Variants in ADCK2 observed in about 807,000 individuals in gnomAD.
ADCK2 encodes aarF domain containing kinase 2.
A neutral mutation model predicts 52.3 loss-of-function variants in ADCK2; 37 were observed. The ratio of observed to expected loss-of-function variants is 0.71; its 90% CI spans 0.54 to 0.93. The LOEUF is 0.93. ADCK2 is among the 40% of genes least tolerant of loss of function. The pLI is 0.00. For missense variants in ADCK2, 695 were observed against 798.7 expected (o/e 0.87, Z 1.56); for synonymous variants, 321 against 349.2 (o/e 0.92, Z 0.90).
chr7:140,688,004 A>C (rs1585852567), intron 5 of ADCK2, among the ~76,000 whole-genome samples: 1 of 150,162 alleles, frequency 6.7e-6, no homozygotes, highest in Non-Finnish European at 1.5e-5. Flanking sequence ...CAGGCTGGGC[A>C]GGGGGTGAAT....
intron 4 of ADCK2, among the ~76,000 whole-genome samples, chr7:140,683,915 A>G (rs1010672502): frequency 6.6e-6 from 1 of 152,190 alleles, no homozygotes; most frequent in Non-Finnish European, 1.5e-5. Flanking sequence ...TGGTGCTTCC[A>G]TGGGAAACCT....
Position 140,687,112 on chromosome 7 carries a change from G to C in ADCK2, c.1428G>C (p.Leu476=), listed in dbSNP as rs113604756. Residue 476 remains leucine, a synonymous_variant, in exon 5 of 8, where the codon CTG becomes CTC. Coordinates refer to ENST00000072869, the MANE Select transcript of ADCK2 (RefSeq NM_052853.4). ...AGCAGGCGGACATCTGTGACACTCT[G>C]GTGGTGGCCGTGCCATCTTCCCTCT... is the stretch of plus-strand genomic sequence containing the variant. ...QLQQADICDT[L]VVAVPSSLCP... 1.4e-4 allele frequency: 226 copies of C among 1,613,908 alleles called. 2 individuals are homozygous for C. The South Asian group carries it at 1.6e-3, about 11-fold the overall frequency.
In ADCK2 at chr7:140,674,604, C is replaced by T. The variant is rs765460076; in HGVS notation, c.934-7C>T. The stretch of plus-strand genomic sequence containing the variant: ...TTCTCCTGTCTCACGGTTCCTCTTT[C>T]TGACAGGTGTTGCACCCTGGCCTGC... On this transcript the variant is annotated splice_polypyrimidine_tract_variant and splice_region_variant and intron_variant, in intron 1 of 7. Coordinates refer to ENST00000072869, the MANE Select transcript of ADCK2 (RefSeq NM_052853.4). The surrounding 1 kb of genome is among the most constrained non-coding windows in gnomAD (Gnocchi z 4.6). The T allele has an allele frequency of 6.9e-6, 11 of 1,604,890 alleles. No homozygotes were observed. The East Asian group carries it at 2.0e-4, about 29-fold the overall frequency.
intron 3 of ADCK2, among the ~76,000 whole-genome samples, chr7:140,679,800 G>T (rs1794486101): frequency 6.7e-6 from 1 of 149,656 alleles, no homozygotes; most frequent in African/African-American, 2.5e-5. Context: ...AGCCTCCCAA[G>T]TAGCTGCGAT....
intron 7 of ADCK2, among the ~76,000 whole-genome samples, chr7:140,692,435 G>A (rs1278952628): frequency 6.6e-6 from 1 of 152,226 alleles, no homozygotes; most frequent in African/African-American, 2.4e-5. Context: ...TTGGCTCATT[G>A]CAACCTCTGC....
chr7:140,683,825 C>T (rs1794559963), intron 4 of ADCK2, among the ~76,000 whole-genome samples: 1 of 152,120 alleles, frequency 6.6e-6, no homozygotes, highest in Non-Finnish European at 1.5e-5. Flanking sequence ...CAGGGACAGC[C>T]GTCCCCACCC....
intron 7 of ADCK2, among the ~76,000 whole-genome samples, chr7:140,694,425 G>A (rs1794760928): frequency 6.6e-6 from 1 of 152,180 alleles, no homozygotes; most frequent in Non-Finnish European, 1.5e-5. Flanking sequence ...CACAAACCTA[G>A]AAAAGTATAT....
intron 6 of ADCK2, 149 bp downstream of exon 6, chr7:140,689,874 C>A: frequency 1.8e-6 from 2 of 1,112,096 alleles, no homozygotes; most frequent in Non-Finnish European, 2.4e-6. Flanking sequence ...GCATGAGGAG[C>A]CCCAGTGAAG....
chr7:140,692,172 A>G (rs151327178), intron 7 of ADCK2, among the ~76,000 whole-genome samples: 9 of 152,358 alleles, frequency 5.9e-5, no homozygotes, highest in Non-Finnish European at 1.0e-4. Flanking sequence ...GAAACTCTAC[A>G]GCCATTGACC....
In ADCK2 at chr7:140,693,898, G is replaced by T. The variant is rs572304065; in HGVS notation, c.1741-765G>T. 4.2e-4 allele frequency among the ~76,000 whole-genome samples: 64 copies of T among 151,806 alleles called. No homozygotes were observed. Among genetic ancestry groups the T allele is most frequent in the Non-Finnish European group, 8.1e-4 (55 of 67,940 alleles). ...CTGATTTTTTGTATTTTTAGTAGAG[G>T]CAGGGTTTCACTGTGTCAGCCAGGA... On this transcript the variant is annotated intron_variant, in intron 7 of 7. Transcript: ENST00000072869. This position sits in a 1 kb window ranked among gnomAD's most constrained non-coding sequence, Gnocchi z 4.0.
At chr7:140,675,832 TC>T (rs570741075) in intron 2 of ADCK2, among the ~76,000 whole-genome samples, 187 of 152,340 alleles carry the variant, frequency 1.2e-3, no homozygotes, top group Non-Finnish European at 2.4e-3. Flanking sequence ...AACAAGGACC[TC>T]CTTCATGCTC....
Position 140,673,983 on chromosome 7 carries a change from A to G in ADCK2, c.653A>G (p.Tyr218Cys), listed in dbSNP as rs1191586320. The change falls in exon 1 of 8, where the codon TAC (tyrosine) becomes TGC (cysteine). Residue 218 changes from tyrosine to cysteine, a missense_variant. Tyr to Cys is a radical substitution (Grantham distance 194, BLOSUM62 -2). Transcript: ENST00000072869. The surrounding 1 kb of genome is among the most constrained non-coding windows in gnomAD (Gnocchi z 6.4). The stretch of plus-strand genomic sequence containing the variant: ...TGCGTGGCCCAGGTGTACAAAGCAT[A>G]CGCCAACACTGCCTTCCTGGAGACT... Reference protein sequence around the residue: ...SGCVAQVYKAYANTAFLETDS... With the variant: ...SGCVAQVYKACANTAFLETDS... The G allele has an allele frequency of 6.2e-7, 1 of 1,614,024 alleles. No homozygotes were observed. The highest frequency in any genetic ancestry group is 1.7e-5 in the Admixed American group (1 of 60,022).
chr7:140,674,283 A>G lies in ADCK2; in HGVS notation c.933+20A>G. 6.3e-7 allele frequency: 1 copy of G among 1,593,226 alleles called. No individual in the cohort carries two copies. Among genetic ancestry groups the G allele is most frequent in the Non-Finnish European group, 8.6e-7 (1 of 1,168,332 alleles). ...GTGAAAGTAAGTGTTGTGAGAGCTC[A>G]CAGCTCACCTACCCACTGAGCTATC... On this transcript the variant is annotated intron_variant, in intron 1 of 7. Transcript: ENST00000072869. The surrounding 1 kb of genome is among the most constrained non-coding windows in gnomAD (Gnocchi z 4.6).
intron 3 of ADCK2, 57 bp from the exon 4 acceptor site, chr7:140,680,985 G>A (rs1265048001): frequency 2.0e-6 from 3 of 1,482,368 alleles, no homozygotes; most frequent in Admixed American, 3.4e-5. Flanking sequence ...GTGGGAGGAG[G>A]AGCCAGCATC....
chr7:140,680,995 C>G, intron 3 of ADCK2, 47 bp from the exon 4 acceptor site: 1 of 1,556,108 alleles, frequency 6.4e-7, no homozygotes, highest in Non-Finnish European at 8.9e-7. Flanking sequence ...GAGCCAGCAT[C>G]ACAGGCTGGC....
intron 3 of ADCK2, among the ~76,000 whole-genome samples, chr7:140,679,662 C>G (rs1307320148): frequency 1.3e-5 from 1 of 75,314 alleles, no homozygotes; most frequent in African/African-American, 4.6e-5. Context: ...CCTTCTCTCT[C>G]TTTTTTTTTT....
intron 4 of ADCK2, among the ~76,000 whole-genome samples, chr7:140,682,551 T>C (rs2130785020): frequency 6.6e-6 from 1 of 152,242 alleles, no homozygotes; most frequent in Middle Eastern, 3.4e-3. Context: ...TGGACTTTAA[T>C]CCAAGGGCAG....
chr7:140,684,359 G>A (rs754089226), intron 4 of ADCK2, among the ~76,000 whole-genome samples: 2 of 152,144 alleles, frequency 1.3e-5, no homozygotes, highest in African/African-American at 4.8e-5. Context: ...CCTAAGCCAC[G>A]CTAGTTATGG....
intron 2 of ADCK2, among the ~76,000 whole-genome samples, chr7:140,675,437 A>G (rs1794385315): frequency 6.6e-6 from 1 of 152,180 alleles, no homozygotes; most frequent in South Asian, 2.1e-4. Context: ...AAGCCACCGT[A>G]CGGTCAAGAG....
Sources: gnomAD v4.1 joint callset for allele counts (sites outside exome capture counted in the v4.1 genomes callset) on GRCh38, gnomAD v4.1.1 for gene constraint, Gnocchi (gnomAD v3.1) non-coding constraint, MANE v1.5 for transcripts, NCBI Gene and HGNC (gene_info 2026-07-23, HGNC 2026-07-21) for gene names.